The following SDK1 variants were observed in gnomAD, a reference collection of about 807,000 sequenced individuals.
SDK1 encodes the protein protein sidekick-1.
Under a neutral mutation model 245.5 loss-of-function variants are expected in SDK1, and 157 were observed. The ratio of observed to expected loss-of-function variants is 0.64; its 90% CI spans 0.56 to 0.73. The LOEUF (loss-of-function observed/expected upper bound fraction) is 0.73, where lower values mean the gene tolerates loss of function less well. SDK1 is among the 30% of genes least tolerant of loss of function. The pLI, the probability that SDK1 is intolerant of heterozygous loss-of-function variation, is 0.00. For synonymous variants in SDK1, 1,647 were observed against 1,278.5 expected (o/e 1.29, Z -6.15); for missense variants, 3,583 against 3,002.3 (o/e 1.19, Z -4.52).
intron 4 of SDK1, among the ~76,000 whole-genome samples, chr7:3,671,893 G>C (rs1426620959): frequency 6.6e-6 from 1 of 152,136 alleles, no homozygotes; most frequent in African/African-American, 2.4e-5. Context: ...TTGTTTGCTT[G>C]CTTGCTTATT....
chr7:4,252,821 GT>G (rs1187384934), intron 44 of SDK1, among the ~76,000 whole-genome samples: 15 of 109,858 alleles, frequency 1.4e-4, no homozygotes, highest in African/African-American at 5.6e-4. Context: ...GATTTATTCC[GT>G]TTCCCCCCCC....
chr7:3,342,800 A>T (rs1780383525), intron 1 of SDK1, among the ~76,000 whole-genome samples: 1 of 152,194 alleles, frequency 6.6e-6, no homozygotes. Flanking sequence ...AGAGACTAAT[A>T]CCTAGAATAT....
intron 5 of SDK1, among the ~76,000 whole-genome samples, chr7:3,837,151 C>T (rs530773093): frequency 2.0e-5 from 3 of 152,316 alleles, no homozygotes; most frequent in Admixed American, 6.5e-5. Flanking sequence ...AATTTTTTTA[C>T]AGCTCAGTCC....
At chr7:3,701,923 G>GAAAAAA (rs1784750640) in intron 4 of SDK1, among the ~76,000 whole-genome samples, 1 of 28,346 alleles carries the variant, frequency 3.5e-5, no homozygotes. Flanking sequence ...ACGTGCATAA[G>GAAAAAA]CAAAAAAAAA....
Position 3,768,448 on chromosome 7 carries a change from G to A in SDK1, c.714-53002G>A, listed in dbSNP as rs1405371019. On this transcript the variant is annotated intron_variant, in intron 4 of 44. Coordinates refer to ENST00000404826, the MANE Select transcript of SDK1 (RefSeq NM_152744.4). ...AAATAAAAATCAGTAACTTCAAAGA[G>A]CATTTCATTAAATAGACAAGTCTTT... Among the ~76,000 whole-genome samples, 3 of 152,176 alleles carry A rather than the reference G, an allele frequency of 2.0e-5. No individual in the cohort carries two copies. In the East Asian group the frequency reaches 5.8e-4, roughly 29 times the overall value.
intron 1 of SDK1, among the ~76,000 whole-genome samples, chr7:3,575,811 C>T (rs1021335681): frequency 3.3e-5 from 5 of 151,964 alleles, no homozygotes; most frequent in African/African-American, 9.7e-5. Context: ...AACACAATAG[C>T]GTTTGTCTTG....
At position 4,051,840 on chromosome 7, in the gene SDK1, C is replaced by T; in HGVS notation, c.2911+10C>T. The T allele has an allele frequency of 6.2e-7, 1 of 1,600,662 alleles. No homozygotes were observed. The highest frequency in any genetic ancestry group is 8.5e-7 in the Non-Finnish European group (1 of 1,171,332). Reference sequence around the variant, plus strand: ...TGGACTCAGGAAGACAGTGAGTATTCCTTTCTGCGTGTCTCTTAAGTCACT... The same window carrying T: ...TGGACTCAGGAAGACAGTGAGTATTTCTTTCTGCGTGTCTCTTAAGTCACT... On this transcript the variant is annotated intron_variant, in intron 19 of 44. Coordinates refer to ENST00000404826, the MANE Select transcript of SDK1 (RefSeq NM_152744.4).
chr7:3,381,766 T>C (rs1405876658), intron 1 of SDK1, among the ~76,000 whole-genome samples: 2 of 152,162 alleles, frequency 1.3e-5, no homozygotes, highest in Admixed American at 6.5e-5. Flanking sequence ...ACAGAAATTC[T>C]AGAGAGCATG....
At chr7:4,098,784 C>G (rs1172284302) in intron 22 of SDK1, among the ~76,000 whole-genome samples, 2 of 151,174 alleles carry the variant, frequency 1.3e-5, no homozygotes, top group African/African-American at 4.9e-5. Flanking sequence ...CCACCTCAGC[C>G]TCCCGAGTAG....
At chr7:3,330,582 A>G (rs1390252464) in intron 1 of SDK1, among the ~76,000 whole-genome samples, 1 of 152,144 alleles carries the variant, frequency 6.6e-6, no homozygotes, top group Admixed American at 6.5e-5. Context: ...TTGCCATGTC[A>G]TGATACAGCA....
chr7:3,357,794 A>G (rs1171252004), intron 1 of SDK1, among the ~76,000 whole-genome samples: 2 of 152,122 alleles, frequency 1.3e-5, no homozygotes, highest in Non-Finnish European at 1.5e-5. Flanking sequence ...TCAAAAACCA[A>G]ACAGTAAACT....
chr7:3,561,858 G>A (rs1779762328), intron 1 of SDK1, among the ~76,000 whole-genome samples: 3 of 152,280 alleles, frequency 2.0e-5, no homozygotes, highest in African/African-American at 4.8e-5. Context: ...TTTGGAACAT[G>A]TTCTTATAAG....
chr7:3,832,563 C>T (rs929212497), intron 5 of SDK1, among the ~76,000 whole-genome samples: 24 of 152,232 alleles, frequency 1.6e-4, no homozygotes, highest in Admixed American at 1.4e-3. Flanking sequence ...AAGTGAAAGG[C>T]CACTTAACAA....
chr7:3,561,894 C>G (rs1779762930), intron 1 of SDK1, among the ~76,000 whole-genome samples: 1 of 152,194 alleles, frequency 6.6e-6, no homozygotes, highest in Non-Finnish European at 1.5e-5. Context: ...GAATATTTCA[C>G]TTTCTTTTCT....
chr7:3,620,511 C>T (rs1468295618), intron 2 of SDK1, among the ~76,000 whole-genome samples: 1 of 152,088 alleles, frequency 6.6e-6, no homozygotes, highest in Non-Finnish European at 1.5e-5. Context: ...CCATGTTGAC[C>T]AGGCTTGTCT....
At chr7:3,720,117 G>T (rs1361658561) in intron 4 of SDK1, among the ~76,000 whole-genome samples, 1 of 152,008 alleles carries the variant, frequency 6.6e-6, no homozygotes. Context: ...TTTTATGAAT[G>T]ACCTTATTAA....
chr7:4,074,734 A>G (rs754694188), intron 20 of SDK1, among the ~76,000 whole-genome samples: 1 of 151,182 alleles, frequency 6.6e-6, no homozygotes, highest in Non-Finnish European at 1.5e-5. Context: ...ATGGTGGCAC[A>G]TGCCTATAGT....
chr7:3,878,356 T>TA (rs1325261001), intron 5 of SDK1, among the ~76,000 whole-genome samples: 1 of 151,998 alleles, frequency 6.6e-6, no homozygotes, highest in Non-Finnish European at 1.5e-5. Context: ...CCATCTCTAC[T>TA]AAAAATACAA....
At chr7:3,394,411 A>G (rs1330027089) in intron 1 of SDK1, among the ~76,000 whole-genome samples, 2 of 152,108 alleles carry the variant, frequency 1.3e-5, no homozygotes, top group Non-Finnish European at 2.9e-5. Flanking sequence ...TTTTATTAGT[A>G]CTATAATGCT....
Sources: allele counts gnomAD v4.1 joint callset (sites outside exome capture counted in the v4.1 genomes callset), GRCh38; gene constraint gnomAD v4.1.1; transcripts MANE v1.5; gene names NCBI Gene and HGNC (gene_info 2026-07-23, HGNC 2026-07-21).